DNAH17: variants seen among roughly 807,000 people sequenced by gnomAD.
DNAH17 encodes the protein axonemal beta dynein heavy chain 17.
Under a neutral mutation model 485.6 loss-of-function variants are expected in DNAH17, and 376 were observed. The ratio of observed to expected loss-of-function variants is 0.77; its 90% confidence interval spans 0.71 to 0.84. The LOEUF is 0.84. Ranked by LOEUF, DNAH17 falls within the 40% of genes least tolerant of loss-of-function variation. The pLI is 0.00. For synonymous variants in DNAH17, 3,031 were observed against 2,405.9 expected (o/e 1.26, Z -7.60); for missense variants, 6,370 against 5,839.3 (o/e 1.09, Z -2.96).
In DNAH17 at chr17:78,501,771, C is replaced by T; in HGVS notation, c.5293G>A (p.Asp1765Asn). Reference protein sequence around the residue: ...TICTIDVHARDVVAKMIVAKV... With the variant: ...TICTIDVHARNVVAKMIVAKV... ...GCCACGATCATTTTGGCCACCACGT[C>T]CCGTGCGTGCACATCGATGGTGCAG... Residue 1765 changes from aspartate to asparagine, a missense_variant, in exon 34 of 81, where the codon GAC becomes AAC. By Grantham distance (23) the Asp-to-Asn change is conservative (BLOSUM62 1). Coordinates refer to ENST00000389840, the MANE Select transcript of DNAH17 (RefSeq NM_173628.4). The T allele has an allele frequency of 6.2e-7, 1 of 1,613,828 alleles. No homozygotes were observed. The highest frequency in any genetic ancestry group is 8.5e-7 in the Non-Finnish European group (1 of 1,179,896).
At chr17:78,457,637 G>A (rs1351856875) in intron 62 of DNAH17, among the ~76,000 whole-genome samples, 1 of 150,208 alleles carries the variant, frequency 6.7e-6, no homozygotes, top group Non-Finnish European at 1.5e-5. Context: ...GGGACTACAG[G>A]TGCGCACAGC....
chr17:78,427,586 C>T lies in DNAH17; in HGVS notation c.12589-478G>A, dbSNP rs771254096. Among the ~76,000 whole-genome samples, 5 of 152,192 alleles carry T rather than the reference C, an allele frequency of 3.3e-5. No homozygotes were observed. The South Asian group carries it at 6.2e-4, about 19-fold the overall frequency. ...ATTAGACTAAGAGAAAGTCCTGGAC[C>T]TAATAGGAATAAGGGTCTCACATCA... On this transcript the variant is annotated intron_variant, in intron 77 of 80. Transcript: ENST00000389840.
intron 17 of DNAH17, 190 bp downstream of exon 17, chr17:78,543,667 C>T (rs965570851): frequency 2.0e-5 from 16 of 796,320 alleles, no homozygotes; most frequent in Middle Eastern, 2.6e-4. Context: ...TTAGGTGATC[C>T]GCCCGACTCA....
At chr17:78,531,153 C>T (rs2091225183) in intron 20 of DNAH17, among the ~76,000 whole-genome samples, 1 of 152,016 alleles carries the variant, frequency 6.6e-6, no homozygotes, top group Non-Finnish European at 1.5e-5. Context: ...GTTGAAAACC[C>T]TAACTGTTAC....
intron 16 of DNAH17, among the ~76,000 whole-genome samples, chr17:78,550,874 C>T (rs2091886986): frequency 6.6e-6 from 1 of 152,144 alleles, no homozygotes; most frequent in Non-Finnish European, 1.5e-5. Flanking sequence ...AGTATGCTAT[C>T]AATGAGCCCT....
chr17:78,523,803 AGG>A (rs1444965091), intron 25 of DNAH17, among the ~76,000 whole-genome samples: 2 of 152,254 alleles, frequency 1.3e-5, no homozygotes, highest in African/African-American at 2.4e-5. Flanking sequence ...GTTACTTGCG[AGG>A]CTGAGAGGCA....
At position 78,427,079 on chromosome 17, in the gene DNAH17, C is replaced by T; in HGVS notation, c.12618G>A (p.Glu4206=). The change falls in exon 78 of 81, where the codon GAG becomes GAA. Residue 4206 remains glutamate, a synonymous_variant. Transcript: ENST00000389840. ...KVKAVLDDIL[E]KIPETFNMAE... is the part of the protein sequence containing the mutation. The stretch of plus-strand genomic sequence containing the variant: ...CCATGTTGAAAGTCTCCGGAATCTT[C>T]TCCAGGATGTCGTCCAGCACGGCCT... 4 of 1,587,216 alleles carry T rather than the reference C, an allele frequency of 2.5e-6. No homozygotes were observed. The highest frequency in any genetic ancestry group is 2.7e-5 in the African/African-American group (2 of 74,432).
chr17:78,475,096 C>G (rs879775913), intron 54 of DNAH17, among the ~76,000 whole-genome samples, 182 bp downstream of exon 54: 3 of 151,862 alleles, frequency 2.0e-5, no homozygotes, highest in Non-Finnish European at 4.4e-5. Flanking sequence ...CACACGGGCA[C>G]GCACGCTGGC....
At chr17:78,538,566 C>G (rs996638096) in intron 18 of DNAH17, among the ~76,000 whole-genome samples, 2 of 152,168 alleles carry the variant, frequency 1.3e-5, no homozygotes, top group African/African-American at 4.8e-5. Flanking sequence ...TTGGGACAAA[C>G]GGTCAATTGT....
At position 78,505,431 on chromosome 17, in the gene DNAH17, C is replaced by G; in HGVS notation, c.4818G>C (p.Leu1606=). ...GNDPVEVSRH[L]SKLFDSLCKL... ...TACACAGGCTATCGAAGAGTTTGGA[C>G]AGGTGGCGGCTCACCTGGGAGGAGG... Residue 1606 remains leucine, a synonymous_variant, in exon 31 of 81, where the codon CTG becomes CTC. Transcript: ENST00000389840. The G allele has an allele frequency of 1.2e-6, 2 of 1,613,944 alleles. No individual in the cohort carries two copies. The highest frequency in any genetic ancestry group is 8.5e-7 in the Non-Finnish European group (1 of 1,179,882).
At chr17:78,545,528 GCT>G (rs1394574309) in intron 16 of DNAH17, among the ~76,000 whole-genome samples, 1 of 152,094 alleles carries the variant, frequency 6.6e-6, no homozygotes, top group Non-Finnish European at 1.5e-5. Context: ...GGCAGAGTGA[GCT>G]CTCTCATGTC....
chr17:78,449,264 T>C, intron 69 of DNAH17, 150 bp downstream of exon 69: 1 of 743,632 alleles, frequency 1.3e-6, no homozygotes. Flanking sequence ...TCTCAGACTT[T>C]ATAATCACCT....
intron 38 of DNAH17, among the ~76,000 whole-genome samples, chr17:78,495,668 C>G (rs1186637361): frequency 6.6e-6 from 1 of 152,148 alleles, no homozygotes; most frequent in South Asian, 2.1e-4. Context: ...GAACTCCTGA[C>G]CTCAGGTGAT....
At chr17:78,440,215 G>A (rs2087016268) in intron 72 of DNAH17, among the ~76,000 whole-genome samples, 1 of 142,782 alleles carries the variant, frequency 7.0e-6, no homozygotes, top group Non-Finnish European at 1.5e-5. Context: ...GACTACAGCT[G>A]TGAGCCACTG....
chr17:78,569,626 T>C (rs987915051), intron 7 of DNAH17, 99 bp from the exon 8 acceptor site: 24 of 1,385,792 alleles, frequency 1.7e-5, no homozygotes, highest in South Asian at 4.5e-5. Flanking sequence ...TTCTGACATA[T>C]GGATATCTGA....
At chr17:78,571,503 G>A in intron 4 of DNAH17, 87 bp downstream of exon 4, 2 of 1,530,284 alleles carry the variant, frequency 1.3e-6, no homozygotes, top group Non-Finnish European at 1.8e-6. Flanking sequence ...CAGGACTCCT[G>A]GGAGGTTGGC....
chr17:78,432,516 AG>A (rs1218682957), intron 75 of DNAH17, among the ~76,000 whole-genome samples: 3 of 152,208 alleles, frequency 2.0e-5, no homozygotes, highest in African/African-American at 7.2e-5. Context: ...TGTGCCTCCC[AG>A]GGAACTAAGC....
At chr17:78,480,259 G>A (rs550103647) in intron 49 of DNAH17, among the ~76,000 whole-genome samples, 16 of 151,878 alleles carry the variant, frequency 1.1e-4, no homozygotes, top group African/African-American at 2.4e-4. Flanking sequence ...TGAGGCAGGA[G>A]AATTGCTTAA....
intron 68 of DNAH17, 125 bp downstream of exon 68, chr17:78,450,129 C>G: frequency 8.6e-7 from 1 of 1,164,520 alleles, no homozygotes; most frequent in Non-Finnish European, 1.2e-6. Flanking sequence ...GCAGGCTGGA[C>G]CAGGTCTGCC....
Sources: gnomAD v4.1 joint callset for allele counts (sites outside exome capture counted in the v4.1 genomes callset) on GRCh38, gnomAD v4.1.1 for gene constraint, MANE v1.5 for transcripts, NCBI Gene and HGNC (gene_info 2026-07-23, HGNC 2026-07-21) for gene names.